Variants in SCGB2B2 observed in about 807,000 individuals in gnomAD.
SCGB2B2 encodes the protein secretoglobin-like protein.
Under a neutral mutation model 7.6 loss-of-function variants are expected in SCGB2B2, and 11 were observed. That is an observed-to-expected ratio of 1.45 (90% CI 0.91 to 2.40). The LOEUF is 2.40. SCGB2B2 is among the 30% of genes most tolerant of loss of function. The probability of loss-of-function intolerance (pLI) is 0.00; values close to 1 mark genes in which losing one functional copy is unlikely to be tolerated. For missense variants in SCGB2B2, 104 were observed against 115.4 expected (o/e 0.90, Z 0.45); for synonymous variants, 50 against 48.6 (o/e 1.03, Z -0.12).
At chr19:34,622,234 C>T (rs11668880) in intron 1 of SCGB2B2, among the ~76,000 whole-genome samples, 47,921 of 152,000 alleles carry the variant, frequency 0.32, 8,401 homozygotes, top group Middle Eastern at 0.47. Flanking sequence ...CTCCCAGGGC[C>T]ATTCTCTTCC....
intron 1 of SCGB2B2, among the ~76,000 whole-genome samples, chr19:34,664,782 C>T (rs897625175): frequency 1.3e-5 from 2 of 152,184 alleles, no homozygotes; most frequent in African/African-American, 4.8e-5. Flanking sequence ...CTCAGCCTTG[C>T]AGCTCCCGCT....
chr19:34,639,697 A>G (rs2066787748), intron 1 of SCGB2B2, among the ~76,000 whole-genome samples: 3 of 152,126 alleles, frequency 2.0e-5, no homozygotes, highest in Non-Finnish European at 4.4e-5. Flanking sequence ...GCTCTTTTCC[A>G]ATGCTTGAGG....
At chr19:34,661,576 T>C (rs893793295) in intron 1 of SCGB2B2, among the ~76,000 whole-genome samples, 6 of 152,206 alleles carry the variant, frequency 3.9e-5, no homozygotes, top group African/African-American at 1.4e-4. Flanking sequence ...CTCAACGCAG[T>C]GCCACACTGG....
At chr19:34,615,203 G>A (rs1262820581) in intron 1 of SCGB2B2, among the ~76,000 whole-genome samples, 5 of 152,150 alleles carry the variant, frequency 3.3e-5, no homozygotes, top group African/African-American at 9.7e-5. Context: ...ACAGGGAGCA[G>A]GACACAGGGT....
chr19:34,669,044 C>CT (rs759479771), intron 1 of SCGB2B2, among the ~76,000 whole-genome samples: 8 of 152,252 alleles, frequency 5.3e-5, no homozygotes, highest in Non-Finnish European at 1.0e-4. Context: ...TCCACACTGC[C>CT]TTTATGAGCT....
At chr19:34,650,886 A>G (rs1280348460) in intron 1 of SCGB2B2, among the ~76,000 whole-genome samples, 2 of 151,356 alleles carry the variant, frequency 1.3e-5, no homozygotes, top group African/African-American at 4.9e-5. Context: ...TCAGCAGTAC[A>G]TTAAAGTAAT....
chr19:34,660,004 G>A (rs1253597660), intron 1 of SCGB2B2, among the ~76,000 whole-genome samples: 3 of 152,152 alleles, frequency 2.0e-5, no homozygotes, highest in Non-Finnish European at 2.9e-5. Flanking sequence ...TCTGATCTTT[G>A]ACAAACCTGA....
rs116152608 is a variant in SCGB2B2 at position 34,639,080 on chromosome 19, C to G, written c.-2032+36550G>C. 5.3e-3 allele frequency among the ~76,000 whole-genome samples: 812 copies of G among 152,232 alleles called. 10 individuals are homozygous for G. Among genetic ancestry groups the G allele is most frequent in the African/African-American group, 0.019 (770 of 41,538 alleles). On this transcript the variant is annotated intron_variant, in intron 1 of 3. Transcript: ENST00000601241. ...AAGCCGTATCCTTTTACTTTTTTTC[C>G]CCTAATTTTCTTCTGCCCCAATTAT...
At chr19:34,628,717 A>G (rs977186561) in intron 1 of SCGB2B2, among the ~76,000 whole-genome samples, 1 of 151,994 alleles carries the variant, frequency 6.6e-6, no homozygotes, top group South Asian at 2.1e-4. Context: ...ATTCCTTCTG[A>G]AACTATTGCA....
intron 1 of SCGB2B2, among the ~76,000 whole-genome samples, chr19:34,630,150 C>A (rs2066489608): frequency 6.6e-6 from 1 of 151,684 alleles, no homozygotes; most frequent in Admixed American, 6.6e-5. Flanking sequence ...GACCTAAAAC[C>A]ATAAAAACCC....
At position 34,669,714 on chromosome 19, in the gene SCGB2B2, T is replaced by TAC. The variant is rs1555750462; in HGVS notation, c.-2032+5914_-2032+5915dup. 1.2e-4 allele frequency among the ~76,000 whole-genome samples: 17 copies of TAC among 139,580 alleles called. 1 individual carries two copies. Among genetic ancestry groups the TAC allele is most frequent in the South Asian group, 9.8e-4 (4 of 4,062 alleles). The allele number at this position is 139,580 out of a possible 152,430, so 91.6% of individuals were successfully genotyped here. ...TCTGCAGACCTGCCCTGCCCCCACT[T>TAC]ACACACACACACACACGAAGAGGTG... On this transcript the variant is annotated intron_variant, in intron 1 of 3. Coordinates refer to ENST00000601241, the MANE Select transcript of SCGB2B2 (RefSeq NM_001025591.4).
chr19:34,600,661 C>T (rs760831242), intron 1 of SCGB2B2, among the ~76,000 whole-genome samples: 1 of 152,064 alleles, frequency 6.6e-6, no homozygotes, highest in Non-Finnish European at 1.5e-5. Flanking sequence ...TGTGTTTATT[C>T]GTCATTTAGT....
chr19:34,675,037 G>T (rs146359489), intron 1 of SCGB2B2, among the ~76,000 whole-genome samples: 2 of 152,238 alleles, frequency 1.3e-5, no homozygotes, highest in East Asian at 3.9e-4. Context: ...GGAATACTAA[G>T]ACCAATAGAC....
chr19:34,634,176 T>A (rs1036220466), intron 1 of SCGB2B2, among the ~76,000 whole-genome samples: 1 of 152,152 alleles, frequency 6.6e-6, no homozygotes, highest in Non-Finnish European at 1.5e-5. Context: ...TCTGGAAGCA[T>A]GTTTAGATGG....
At chr19:34,622,693 A>C (rs1187306859) in intron 1 of SCGB2B2, among the ~76,000 whole-genome samples, 2 of 152,176 alleles carry the variant, frequency 1.3e-5, no homozygotes, top group African/African-American at 2.4e-5. Context: ...CACAGAGGAG[A>C]ATGTCATCTA....
At chr19:34,664,782 C>A (rs897625175) in intron 1 of SCGB2B2, among the ~76,000 whole-genome samples, 2 of 152,184 alleles carry the variant, frequency 1.3e-5, no homozygotes, top group Non-Finnish European at 2.9e-5. Flanking sequence ...CTCAGCCTTG[C>A]AGCTCCCGCT....
intron 1 of SCGB2B2, among the ~76,000 whole-genome samples, chr19:34,628,492 C>A (rs1440825317): frequency 2.0e-5 from 3 of 151,944 alleles, no homozygotes; most frequent in Non-Finnish European, 4.4e-5. Context: ...ATAAACACCT[C>A]TACACAATAA....
Position 34,591,568 on chromosome 19 carries a change from A to G in SCGB2B2, c.*1987T>C, listed in dbSNP as rs1250029716. Among the ~76,000 whole-genome samples the G allele has an allele frequency of 6.6e-6, 1 of 152,162 alleles. No homozygotes were observed. The highest frequency in any genetic ancestry group is 6.5e-5 in the Admixed American group (1 of 15,274). On this transcript the variant is annotated 3_prime_UTR_variant, in exon 4 of 4. Transcript: ENST00000601241. ...ATCCCCTCCCAGGATTTTTCACTGC[A>G]CATGGAAAGGATCCACCTTTCTGCA...
In SCGB2B2 at chr19:34,649,175, G is replaced by C. The variant is rs941127890; in HGVS notation, c.-2032+26455C>G. 1.6e-4 allele frequency among the ~76,000 whole-genome samples: 25 copies of C among 152,132 alleles called. 1 individual carries two copies. The highest frequency in any genetic ancestry group is 4.4e-5 in the Non-Finnish European group (3 of 68,028). ...CCCACCTCGGCCTCCCAAAGTGCTG[G>C]GATTACAGACGTGAGCCACTGTGCC... On this transcript the variant is annotated intron_variant, in intron 1 of 3. Transcript: ENST00000601241.
Sources: gnomAD v4.1 joint callset for allele counts (sites outside exome capture counted in the v4.1 genomes callset) on GRCh38, gnomAD v4.1.1 for gene constraint, MANE v1.5 for transcripts, NCBI Gene and HGNC (gene_info 2026-07-23, HGNC 2026-07-21) for gene names.